Variants in RMND1 observed in about 807,000 individuals in gnomAD.
RMND1 encodes required for meiotic nuclear division 1 homolog.
In RMND1, 41 loss-of-function variants were observed where a neutral mutation model predicts 54.0. The ratio of observed to expected loss-of-function variants is 0.76; its 90% confidence interval spans 0.59 to 0.98. The LOEUF is 0.98. Ranked by LOEUF, RMND1 falls within the 50% of genes least tolerant of loss-of-function variation. The pLI, the probability that RMND1 is intolerant of heterozygous loss-of-function variation, is 0.00. For missense variants in RMND1, 457 were observed against 532.0 expected (o/e 0.86, Z 1.39); for synonymous variants, 183 against 181.7 (o/e 1.01, Z -0.06).
chr6:151,408,506 T>G (rs1355769145), intron 10 of RMND1: 1 of 152,178 alleles, frequency 6.6e-6, no homozygotes, highest in Non-Finnish European at 1.5e-5. Context: ...AGAGGTACTG[T>G]GTACTACATA....
At chr6:151,451,613 T>C (rs905018982) in intron 1 of RMND1, among the ~76,000 whole-genome samples, 2 of 152,168 alleles carry the variant, frequency 1.3e-5, no homozygotes, top group African/African-American at 4.8e-5. Context: ...ATAGTAGGCA[T>C]TCGATCGAAT....
chr6:151,413,856 G>C (rs1325407670), intron 10 of RMND1: 1 of 152,152 alleles, frequency 6.6e-6, no homozygotes, highest in Non-Finnish European at 1.5e-5. Flanking sequence ...ACATAGCTTG[G>C]TTTTCTTGCC....
intron 1 of RMND1, among the ~76,000 whole-genome samples, chr6:151,451,379 GAAAAT>G (rs1266099866): frequency 2.0e-5 from 3 of 152,048 alleles, no homozygotes; most frequent in African/African-American, 7.2e-5. Flanking sequence ...CAATACAGCT[GAAAAT>G]AAAATAGACA....
intron 3 of RMND1, among the ~76,000 whole-genome samples, chr6:151,433,738 TACTG>T (rs1363956015): frequency 5.3e-5 from 8 of 152,132 alleles, no homozygotes; most frequent in African/African-American, 1.4e-4. Context: ...GAAATAAAGA[TACTG>T]ACCACTTCAA....
chr6:151,428,492 T>G (rs1333291492), intron 5 of RMND1, among the ~76,000 whole-genome samples: 1 of 152,230 alleles, frequency 6.6e-6, no homozygotes, highest in African/African-American at 2.4e-5. Context: ...TGGGAATACT[T>G]CTTTAGGAAT....
In RMND1 at chr6:151,405,871, A is replaced by G. The variant is rs746114812; in HGVS notation, c.1201-35T>C. The G allele has an allele frequency of 7.6e-6, 8 of 1,051,918 alleles. No individual in the cohort carries two copies. The Admixed American group carries it at 8.6e-5, about 11-fold the overall frequency. 65.2% of individuals were successfully genotyped at this position (1,051,918 alleles called of 1,614,324 possible). A position where few individuals can be genotyped will look rare whatever the true frequency, so the allele number is the denominator to read the frequency against. ...AAAAATTTCAGTAACATGTATTTAA[A>G]CAATTTAATACGGTCATACACATAA... is the stretch of plus-strand genomic sequence containing the variant. On this transcript the variant is annotated intron_variant, in intron 10 of 11. Transcript: ENST00000444024.
intron 6 of RMND1, among the ~76,000 whole-genome samples, chr6:151,426,348 C>T (rs1205837058): frequency 1.3e-5 from 2 of 152,172 alleles, no homozygotes; most frequent in African/African-American, 2.4e-5. Context: ...GCCTCTGTCT[C>T]GGCCCTAACA....
At chr6:151,436,001 A>G (rs1287451526) in intron 3 of RMND1, among the ~76,000 whole-genome samples, 1 of 151,540 alleles carries the variant, frequency 6.6e-6, no homozygotes, top group African/African-American at 2.4e-5. Flanking sequence ...GCTACTCCGG[A>G]GGCTGAGGCA....
intron 5 of RMND1, among the ~76,000 whole-genome samples, chr6:151,427,957 T>C (rs1371418423): frequency 2.0e-5 from 3 of 152,048 alleles, no homozygotes; most frequent in Admixed American, 6.6e-5. Context: ...CTGGGCAACG[T>C]GGCAAAATCC....
chr6:151,423,153 C>T (rs979455801), intron 7 of RMND1, among the ~76,000 whole-genome samples: 4 of 152,164 alleles, frequency 2.6e-5, no homozygotes, highest in African/African-American at 9.7e-5. Context: ...CTATGGAACA[C>T]TAGAGTATGT....
At position 151,409,206 on chromosome 6, in the gene RMND1, C is replaced by T. The variant is rs1177370545; in HGVS notation, c.1201-3370G>A. ...GAAGATGAGGGGCTGTGTGGATGAA[C>T]ATTAATAGTTGGGGGCTTGAAGACG... On this transcript the variant is annotated intron_variant, in intron 10 of 11. Coordinates refer to ENST00000444024, the MANE Select transcript of RMND1 (RefSeq NM_017909.4). 2.0e-5 allele frequency among the ~76,000 whole-genome samples: 3 copies of T among 152,190 alleles called. No homozygotes were observed. The South Asian group carries it at 6.2e-4, about 31-fold the overall frequency.
At chr6:151,436,577 A>G (rs769178790) in intron 2 of RMND1, 23 bp from the exon 3 acceptor site, 4 of 1,611,572 alleles carry the variant, frequency 2.5e-6, no homozygotes, top group South Asian at 1.1e-5. Flanking sequence ...AATGAGCATA[A>G]CATGGGTTAC....
At chr6:151,444,978 T>A (rs748355220) in intron 2 of RMND1, 28 of 204,762 alleles carry the variant, frequency 1.4e-4, no homozygotes, top group African/African-American at 2.3e-4. Context: ...AGTTTGTTTT[T>A]TTTTATTTTA....
chr6:151,427,752 T>C (rs774230873), intron 5 of RMND1, among the ~76,000 whole-genome samples, 170 bp from the exon 6 acceptor site: 7 of 152,200 alleles, frequency 4.6e-5, no homozygotes, highest in Non-Finnish European at 1.0e-4. Flanking sequence ...GTAATCAGGA[T>C]GACATGTTCA....
At chr6:151,416,795 A>G (rs1780020335) in intron 10 of RMND1, 1 of 152,676 alleles carries the variant, frequency 6.5e-6, no homozygotes. Flanking sequence ...TAATCTCAGC[A>G]TATCTTAGAT....
At position 151,405,198 on chromosome 6, in the gene RMND1, GAATA is replaced by G; in HGVS notation, c.*33_*36del. The G allele has an allele frequency of 6.3e-7, 1 of 1,588,426 alleles. No individual in the cohort carries two copies. The highest frequency in any genetic ancestry group is 1.3e-5 in the African/African-American group (1 of 74,304). On this transcript the variant is annotated 3_prime_UTR_variant, in exon 12 of 12. Transcript: ENST00000444024. Reference sequence around the variant, plus strand: ...CATTTAATTTTTGATTGTAGAACTTGAATATCTCTTGCAGTGACACTTTGGTTAT... The same window carrying G: ...CATTTAATTTTTGATTGTAGAACTTGTCTCTTGCAGTGACACTTTGGTTAT...
In RMND1 at chr6:151,427,492, T is replaced by C. The variant is rs1444161870; in HGVS notation, c.820A>G (p.Ile274Val). 3.8e-6 allele frequency: 6 copies of C among 1,598,584 alleles called. No homozygotes were observed. The highest frequency in any genetic ancestry group is 3.3e-5 in the Admixed American group (2 of 59,932). ...VHWENEELNY[I>V]KIEGQSKLHR... ...TGAAAAGTTGCTTACTCTATTTTTA[T>C]GTAGTTAAGTTCTTCATTTTCCCAG... The change falls in exon 6 of 12, where the codon ATA becomes GTA. Residue 274 changes from isoleucine to valine, a missense_variant. Transcript: ENST00000444024.
At chr6:151,446,675 T>TG (rs1432040943) in intron 1 of RMND1, among the ~76,000 whole-genome samples, 2 of 152,066 alleles carry the variant, frequency 1.3e-5, no homozygotes, top group African/African-American at 4.8e-5. Flanking sequence ...GGCTAAAGGC[T>TG]GGGGGGATCA....
chr6:151,436,984 T>C (rs543295541), intron 2 of RMND1, among the ~76,000 whole-genome samples: 38 of 152,376 alleles, frequency 2.5e-4, no homozygotes, highest in African/African-American at 8.7e-4. Context: ...GTAACTACTC[T>C]TGTACAGGCA....
Sources: allele counts gnomAD v4.1 joint callset (sites outside exome capture counted in the v4.1 genomes callset), GRCh38; gene constraint gnomAD v4.1.1; transcripts MANE v1.5; gene names NCBI Gene and HGNC (gene_info 2026-07-23, HGNC 2026-07-21).